The following SETD7 variants were observed in gnomAD, a reference collection of about 807,000 sequenced individuals.
The protein encoded by SETD7 is histone-lysine N-methyltransferase SETD7.
A neutral mutation model predicts 41.8 loss-of-function variants in SETD7; 16 were observed. That is an observed-to-expected ratio of 0.38 (90% CI 0.26 to 0.58). The LOEUF is 0.58. SETD7 is among the 20% of genes least tolerant of loss of function. The probability of loss-of-function intolerance (pLI) is 0.64; values close to 1 mark genes in which losing one functional copy is unlikely to be tolerated. For synonymous variants in SETD7, 163 were observed against 169.7 expected (o/e 0.96, Z 0.31); for missense variants, 346 against 459.7 (o/e 0.75, Z 2.26).
intron 2 of SETD7, among the ~76,000 whole-genome samples, chr4:139,536,264 A>C: frequency 6.6e-6 from 1 of 152,204 alleles, no homozygotes; most frequent in East Asian, 1.9e-4. Flanking sequence ...CTTGCTTTCC[A>C]TAATACATAT....
At chr4:139,516,204 A>T (rs1727020086) in intron 7 of SETD7, among the ~76,000 whole-genome samples, 4 of 152,146 alleles carry the variant, frequency 2.6e-5, no homozygotes. Context: ...GGTGGCTCAC[A>T]CCTGTAATCC....
chr4:139,538,392 C>A (rs1410590573), intron 2 of SETD7, among the ~76,000 whole-genome samples: 2 of 152,162 alleles, frequency 1.3e-5, no homozygotes, highest in Non-Finnish European at 2.9e-5. Flanking sequence ...TACAGTGGTG[C>A]AATCTCGGCT....
chr4:139,548,631 TCAA>T (rs772724892), intron 1 of SETD7, among the ~76,000 whole-genome samples: 2 of 152,188 alleles, frequency 1.3e-5, no homozygotes, highest in Admixed American at 6.5e-5. Flanking sequence ...AAACTCCATC[TCAA>T]CAACAACAAT....
chr4:139,537,064 C>T (rs549781787), intron 2 of SETD7, among the ~76,000 whole-genome samples: 16 of 152,310 alleles, frequency 1.1e-4, no homozygotes, highest in Admixed American at 9.1e-4. Flanking sequence ...CAACCTCTGC[C>T]TCCTAGGTTC....
At position 139,500,565 on chromosome 4, in the gene SETD7, G is replaced by A. The variant is rs573903049; in HGVS notation, c.921-4044C>T. Among the ~76,000 whole-genome samples the A allele has an allele frequency of 2.6e-5, 4 of 152,302 alleles. No individual in the cohort carries two copies. The South Asian group carries it at 8.3e-4, about 32-fold the overall frequency. On this transcript the variant is annotated intron_variant, in intron 7 of 7. Coordinates refer to the SETD7 transcript ENST00000506866. ...GCTCTGTCGTCCAGGCTGGAGTGCC[G>A]TGGTGCCACCTTGGCTCACTGCAAC...
intron 5 of SETD7, among the ~76,000 whole-genome samples, chr4:139,523,142 G>T (rs1478103071): frequency 6.6e-6 from 1 of 152,050 alleles, no homozygotes; most frequent in Non-Finnish European, 1.5e-5. Flanking sequence ...CTCTTACAGG[G>T]TCAGATTCTA....
chr4:139,554,768 G>A (rs1031114831), intron 1 of SETD7, among the ~76,000 whole-genome samples: 1 of 152,210 alleles, frequency 6.6e-6, no homozygotes, highest in Admixed American at 6.5e-5. Flanking sequence ...CAAGAGTTCA[G>A]AAATATTAGT....
intron 2 of SETD7, among the ~76,000 whole-genome samples, chr4:139,538,849 G>A (rs890988286): frequency 6.6e-6 from 1 of 152,136 alleles, no homozygotes; most frequent in South Asian, 2.1e-4. Flanking sequence ...GGAAAATGTT[G>A]AGGAAATTAA....
intron 2 of SETD7, among the ~76,000 whole-genome samples, chr4:139,536,696 C>T (rs1050569005): frequency 4.7e-5 from 7 of 149,704 alleles, no homozygotes; most frequent in Admixed American, 4.7e-4. Flanking sequence ...TGGGTGACAG[C>T]GAGACTCTGT....
chr4:139,530,337 G>C (rs1267432015), intron 3 of SETD7, among the ~76,000 whole-genome samples: 2 of 140,364 alleles, frequency 1.4e-5, no homozygotes, highest in Non-Finnish European at 3.0e-5. Flanking sequence ...GATGACTTTT[G>C]AGTGATCCCA....
rs1726873608 is a variant in SETD7, at chr4:139,511,474, A to G, written c.*189T>C. On this transcript the variant is annotated 3_prime_UTR_variant, in exon 8 of 8. Coordinates refer to ENST00000274031, the MANE Select transcript of SETD7 (RefSeq NM_030648.4). ...CTCAGTAGGACGTTGTTGCAAGGCT[A>G]GCTAATTTTAAATCTGGTATGAGTA... The G allele has an allele frequency of 7.1e-6, 7 of 984,076 alleles. No individual in the cohort carries two copies. The East Asian group carries it at 1.1e-4, about 15-fold the overall frequency. 61.0% of individuals were successfully genotyped at this position (984,076 alleles called of 1,614,324 possible).
At position 139,555,103 on chromosome 4, in the gene SETD7, C is replaced by T. The variant is rs191631875; in HGVS notation, c.40+995G>A. On this transcript the variant is annotated intron_variant, in intron 1 of 7. Transcript: ENST00000274031. The surrounding 1 kb of genome is among the most constrained non-coding windows in gnomAD (Gnocchi z 4.0). ...ACGCTAAAGAGTATTTTCCAGTATTCGCTGTTACAAAATCATAACATCCTA... is the reference window on the plus strand; with the variant it reads ...ACGCTAAAGAGTATTTTCCAGTATTTGCTGTTACAAAATCATAACATCCTA... 5.3e-5 allele frequency among the ~76,000 whole-genome samples: 8 copies of T among 150,720 alleles called. No homozygotes were observed. Among genetic ancestry groups the T allele is most frequent in the Admixed American group, 5.3e-4 (8 of 15,100 alleles).
At chr4:139,512,096 T>G (rs1726892207) in intron 7 of SETD7, among the ~76,000 whole-genome samples, 1 of 152,200 alleles carries the variant, frequency 6.6e-6, no homozygotes, top group Non-Finnish European at 1.5e-5. Flanking sequence ...CACTGGTGTA[T>G]TAAAGTTTGA....
intron 6 of SETD7, among the ~76,000 whole-genome samples, chr4:139,519,554 G>C (rs1024328973): frequency 5.9e-5 from 9 of 152,210 alleles, no homozygotes; most frequent in African/African-American, 2.2e-4. Flanking sequence ...CAACTGCTTT[G>C]AAAGTGTAAT....
At position 139,511,643 on chromosome 4, in the gene SETD7, G is replaced by A; in HGVS notation, c.*20C>T. 6.2e-7 allele frequency: 1 copy of A among 1,613,380 alleles called. No individual in the cohort carries two copies. The highest frequency in any genetic ancestry group is 8.5e-7 in the Non-Finnish European group (1 of 1,179,878). On this transcript the variant is annotated 3_prime_UTR_variant, in exon 8 of 8. Transcript: ENST00000274031. ...ATCCAAGTTTCTATTCCAGGTCTCT[G>A]AACCCCAAAGCCAGGCCTTTCACTT...
chr4:139,508,998 C>G lies in SETD7; in HGVS notation c.*2665G>C, dbSNP rs1243583435. On this transcript the variant is annotated 3_prime_UTR_variant, in exon 8 of 8. Transcript: ENST00000274031. ...TGTGTGAGGGGAGGGGTGGGGAAGA[C>G]AGAGCCAGAGACATAAGCAAACAGA... 6.6e-6 allele frequency: 1 copy of G among 152,536 alleles called. No individual in the cohort carries two copies. The highest frequency in any genetic ancestry group is 2.4e-5 in the African/African-American group (1 of 41,392). 9.4% of individuals were successfully genotyped at this position (152,536 alleles called of 1,614,324 possible).
chr4:139,556,172 C>T lies in SETD7; in HGVS notation c.-35G>A. On this transcript the variant is annotated 5_prime_UTR_variant, in exon 1 of 8. Transcript: ENST00000274031. The stretch of plus-strand genomic sequence containing the variant: ...GGACACTGCCCAGCTCGGGGCTGCG[C>T]GGCTGCCTCCCGTCCCTCTGGGTGC... The T allele has an allele frequency of 1.3e-6, 2 of 1,580,548 alleles. No homozygotes were observed. The highest frequency in any genetic ancestry group is 1.7e-6 in the Non-Finnish European group (2 of 1,164,138).
In SETD7 at chr4:139,507,372, T is replaced by G. The variant is rs529610019; in HGVS notation, c.*4291A>C. 6.6e-6 allele frequency: 1 copy of G among 152,668 alleles called. No homozygotes were observed. Among genetic ancestry groups the G allele is most frequent in the South Asian group, 2.1e-4 (1 of 4,830 alleles). 9.5% of individuals were successfully genotyped at this position (152,668 alleles called of 1,614,324 possible). A position where few individuals can be genotyped will look rare whatever the true frequency, so the allele number is the denominator to read the frequency against. Reference sequence around the variant, plus strand: ...GCACTGGGGAAGCCTACGAGCTCTCTCCACGTCAGGTGCAACAACGCCGAG... The same window carrying G: ...GCACTGGGGAAGCCTACGAGCTCTCGCCACGTCAGGTGCAACAACGCCGAG... On this transcript the variant is annotated 3_prime_UTR_variant, in exon 8 of 8. Transcript: ENST00000274031.
intron 2 of SETD7, among the ~76,000 whole-genome samples, chr4:139,538,752 C>T (rs1449906535): frequency 6.6e-6 from 1 of 151,930 alleles, no homozygotes; most frequent in Non-Finnish European, 1.5e-5. Context: ...CTTTCAACAT[C>T]TTGGCAAATT....
Sources: allele counts gnomAD v4.1 joint callset (sites outside exome capture counted in the v4.1 genomes callset), GRCh38; gene constraint gnomAD v4.1.1; non-coding constraint Gnocchi (gnomAD v3.1); transcripts MANE v1.5; gene names NCBI Gene and HGNC (gene_info 2026-07-23, HGNC 2026-07-21).